The following GABBR2 variants were observed in gnomAD, a reference collection of about 807,000 sequenced individuals.
GABBR2 encodes G-protein coupled receptor 51.
A neutral mutation model predicts 105.6 loss-of-function variants in GABBR2; 23 were observed. That is an observed-to-expected ratio of 0.22 (90% CI 0.16 to 0.31). GABBR2 has a LOEUF of 0.31. Ranked by LOEUF, GABBR2 falls within the 10% of genes least tolerant of loss-of-function variation. GABBR2 has a pLI of 1.00. For synonymous variants in GABBR2, 478 were observed against 499.7 expected, an observed-to-expected ratio of 0.96 and a Z score of 0.58; for missense variants, 734 against 1,245.5, an observed-to-expected ratio of 0.59 and a Z score of 6.18.
In GABBR2 at chr9:98,615,199, C is replaced by T. The variant is rs117233754; in HGVS notation, c.322-37127G>A. ...TGAATCACCAGCCCCTAGCAGGATG[C>T]GAGACACACTAGAGCACACGGTCAA... On this transcript the variant is annotated intron_variant, in intron 1 of 18. Transcript: ENST00000259455. 4.1e-4 allele frequency among the ~76,000 whole-genome samples: 62 copies of T among 152,244 alleles called. 2 individuals carry two copies. The East Asian group carries it at 0.011, about 27-fold the overall frequency.
chr9:98,427,047 G>C (rs1825706066), intron 7 of GABBR2, among the ~76,000 whole-genome samples: 1 of 152,206 alleles, frequency 6.6e-6, no homozygotes, highest in African/African-American at 2.4e-5. Flanking sequence ...AAAAAGGAAA[G>C]AGAAATGGAA....
intron 1 of GABBR2, among the ~76,000 whole-genome samples, chr9:98,671,113 A>T (rs1053858928): frequency 2.0e-5 from 3 of 152,294 alleles, no homozygotes; most frequent in African/African-American, 7.2e-5. Context: ...GACAAACAGG[A>T]AAATAATCCC....
intron 2 of GABBR2, among the ~76,000 whole-genome samples, chr9:98,557,481 G>A (rs1828607087): frequency 6.6e-6 from 1 of 152,120 alleles, no homozygotes; most frequent in Admixed American, 6.5e-5. Flanking sequence ...AGGCTGATAC[G>A]GTCAATATGA....
chr9:98,560,189 T>C lies in GABBR2; in HGVS notation c.459+17746A>G, dbSNP rs551627639. ...GTTGTGTATAGTTTTTAAAATAAAA[T>C]TAATCAACAAGGAGAAAAAAAATCA... On this transcript the variant is annotated intron_variant, in intron 2 of 18. Coordinates refer to ENST00000259455, the MANE Select transcript of GABBR2 (RefSeq NM_005458.8). 2.6e-5 allele frequency among the ~76,000 whole-genome samples: 4 copies of C among 152,004 alleles called. No individual in the cohort carries two copies. The South Asian group carries it at 8.3e-4, about 32-fold the overall frequency.
intron 2 of GABBR2, among the ~76,000 whole-genome samples, chr9:98,564,423 A>G (rs1828721898): frequency 6.6e-6 from 1 of 152,248 alleles, no homozygotes. Flanking sequence ...TGAGGGTTAC[A>G]TGATACTGTG....
chr9:98,306,071 T>G lies in GABBR2; in HGVS notation c.2229+50A>C. ...AATGGAGAAAAGCCAGCAATGCCCCTGTGCTGGAGTCAGAGGGCAGAGGCC... is the reference window on the plus strand; with the variant it reads ...AATGGAGAAAAGCCAGCAATGCCCCGGTGCTGGAGTCAGAGGGCAGAGGCC... On this transcript the variant is annotated intron_variant, in intron 15 of 18. Transcript: ENST00000259455. This position sits in a 1 kb window ranked among gnomAD's most constrained non-coding sequence, Gnocchi z 5.4. 8.2e-7 allele frequency: 1 copy of G among 1,226,652 alleles called. No individual in the cohort carries two copies. The highest frequency in any genetic ancestry group is 1.2e-6 in the Non-Finnish European group (1 of 835,336). 76.0% of individuals were successfully genotyped at this position (1,226,652 alleles called of 1,614,324 possible).
At chr9:98,314,834 T>G (rs1424303275) in intron 13 of GABBR2, among the ~76,000 whole-genome samples, 1 of 152,196 alleles carries the variant, frequency 6.6e-6, no homozygotes, top group African/African-American at 2.4e-5. Context: ...AGTTTACCAC[T>G]GCTCTACAGA....
intron 7 of GABBR2, among the ~76,000 whole-genome samples, chr9:98,434,156 A>T (rs1335644711): frequency 6.6e-6 from 1 of 152,202 alleles, no homozygotes; most frequent in Non-Finnish European, 1.5e-5. Context: ...CTCAGCCTAC[A>T]TCTTTCTCCC....
intron 13 of GABBR2, among the ~76,000 whole-genome samples, chr9:98,361,336 A>G (rs886799944): frequency 6.6e-6 from 1 of 152,006 alleles, no homozygotes; most frequent in Admixed American, 6.6e-5. Context: ...TGAGGATTAA[A>G]TGAGTTAACG....
chr9:98,418,728 A>C (rs1832731083), intron 7 of GABBR2, among the ~76,000 whole-genome samples: 1 of 152,154 alleles, frequency 6.6e-6, no homozygotes. Flanking sequence ...AGACAGATGG[A>C]GGGTGATGCC....
At chr9:98,562,281 G>GA (rs1290169046) in intron 2 of GABBR2, among the ~76,000 whole-genome samples, 1 of 151,756 alleles carries the variant, frequency 6.6e-6, no homozygotes, top group East Asian at 1.9e-4. Flanking sequence ...TGGGTTTTCT[G>GA]AAAAAAAAGA....
In GABBR2 at chr9:98,445,816, A is replaced by T. The variant is rs117331009; in HGVS notation, c.1236+8165T>A. ...CAGGGGCACCTGCAGCAGCTGGGGG[A>T]TAAGCAAACCTAAGCAGCCCTCTGA... On this transcript the variant is annotated intron_variant, in intron 7 of 18. Transcript: ENST00000259455. Among the ~76,000 whole-genome samples, 926 of 152,334 alleles carry T rather than the reference A, an allele frequency of 6.1e-3. 2 individuals carry two copies. Among genetic ancestry groups the T allele is most frequent in the Non-Finnish European group, 0.01 (693 of 68,032 alleles).
chr9:98,671,832 G>A (rs994500440), intron 1 of GABBR2, among the ~76,000 whole-genome samples: 1 of 152,196 alleles, frequency 6.6e-6, no homozygotes, highest in Non-Finnish European at 1.5e-5. Context: ...CCATGAGGTT[G>A]TGGTTAAGAG....
chr9:98,300,850 A>C (rs1830457560), intron 16 of GABBR2, among the ~76,000 whole-genome samples: 1 of 152,224 alleles, frequency 6.6e-6, no homozygotes, highest in South Asian at 2.1e-4. Context: ...TTCTGAGCAG[A>C]AAGGCCTTGC....
In GABBR2 at chr9:98,686,982, T is replaced by C. The variant is rs577291910; in HGVS notation, c.321+21435A>G. ...TGCTTCTAAACAAACAAGACAAAGA[T>C]CCTCCCTCGACATACTCTGACCTTC... is the stretch of plus-strand genomic sequence containing the variant. On this transcript the variant is annotated intron_variant, in intron 1 of 18. Coordinates refer to ENST00000259455, the MANE Select transcript of GABBR2 (RefSeq NM_005458.8). 1.3e-4 allele frequency among the ~76,000 whole-genome samples: 19 copies of C among 151,944 alleles called. No homozygotes were observed. In the East Asian group the frequency reaches 3.5e-3, roughly 28 times the overall value.
intron 7 of GABBR2, among the ~76,000 whole-genome samples, chr9:98,440,038 C>G (rs77626925): frequency 1.3e-5 from 2 of 152,144 alleles, no homozygotes; most frequent in African/African-American, 4.8e-5. Flanking sequence ...TTCCTTACTG[C>G]GAATTACCCT....
At chr9:98,501,615 T>A (rs552176163) in intron 3 of GABBR2, among the ~76,000 whole-genome samples, 4 of 152,204 alleles carry the variant, frequency 2.6e-5, no homozygotes, top group African/African-American at 9.6e-5. Context: ...AGAGGACAGT[T>A]TTAAGTAAAT....
chr9:98,436,384 T>TAGATAG (rs1170118214), intron 7 of GABBR2, among the ~76,000 whole-genome samples: 7 of 48,538 alleles, frequency 1.4e-4, no homozygotes, highest in African/African-American at 7.4e-4. Context: ...TATATATATA[T>TAGATAG]ATATATATAT....
At chr9:98,384,785 T>C (rs1343677075) in intron 11 of GABBR2, among the ~76,000 whole-genome samples, 2 of 152,202 alleles carry the variant, frequency 1.3e-5, no homozygotes, top group African/African-American at 4.8e-5. Flanking sequence ...GGTTCTTGAA[T>C]GTGAAGAAAC....
Sources: gnomAD v4.1 joint callset for allele counts (sites outside exome capture counted in the v4.1 genomes callset) on GRCh38, gnomAD v4.1.1 for gene constraint, Gnocchi (gnomAD v3.1) non-coding constraint, MANE v1.5 for transcripts, NCBI Gene and HGNC (gene_info 2026-07-23, HGNC 2026-07-21) for gene names.